Variants in KATNIP observed in about 807,000 individuals in gnomAD.
The protein encoded by KATNIP is katanin interacting protein.
A neutral mutation model predicts 174.0 loss-of-function variants in KATNIP; 126 were observed. That is an observed-to-expected ratio of 0.72 (90% CI 0.63 to 0.84). The LOEUF is 0.84. Ranked by LOEUF, KATNIP falls within the 40% of genes least tolerant of loss-of-function variation. KATNIP has a pLI of 0.00. For synonymous variants in KATNIP, 810 were observed against 835.7 expected, an observed-to-expected ratio of 0.97 and a Z score of 0.53; for missense variants, 1,958 against 2,109.7, an observed-to-expected ratio of 0.93 and a Z score of 1.41.
At position 27,672,833 on chromosome 16, in the gene KATNIP, AG is replaced by A. The variant is rs202068113; in HGVS notation, c.541-4894del. Among the ~76,000 whole-genome samples, 147 of 152,308 alleles carry A rather than the reference AG, an allele frequency of 9.7e-4. 6 individuals carry two copies. The East Asian group carries it at 0.023, about 24-fold the overall frequency. ...ATAGTGACGGTCATGAAGAGGCCAG[AG>A]GAAGTCTCCTCAACTGACCATGGGT... On this transcript the variant is annotated intron_variant, in intron 6 of 27. Transcript: ENST00000261588.
At chr16:27,574,080 T>C in intron 2 of KATNIP, 124 bp downstream of exon 2, 2 of 782,660 alleles carry the variant, frequency 2.6e-6, no homozygotes, top group Non-Finnish European at 4.3e-6. Context: ...GCTTGAATCC[T>C]GGAGCAAATG....
intron 3 of KATNIP, among the ~76,000 whole-genome samples, chr16:27,623,519 G>A (rs1172154167): frequency 6.6e-6 from 1 of 151,912 alleles, no homozygotes; most frequent in Non-Finnish European, 1.5e-5. Flanking sequence ...GAGTGCATTG[G>A]TGTGATCATA....
intron 15 of KATNIP, among the ~76,000 whole-genome samples, chr16:27,747,703 G>C (rs1006527065): frequency 6.8e-6 from 1 of 147,368 alleles, no homozygotes; most frequent in Non-Finnish European, 1.5e-5. Flanking sequence ...GAGTTTGAGT[G>C]AGCAAAACAA....
At chr16:27,560,861 C>T (rs1358755012) in intron 1 of KATNIP, among the ~76,000 whole-genome samples, 8 of 152,168 alleles carry the variant, frequency 5.3e-5, no homozygotes, top group Admixed American at 2.0e-4. Context: ...TGAGTGTTTG[C>T]TGGGTTGACA....
chr16:27,642,224 G>T (rs1719491178), intron 5 of KATNIP, among the ~76,000 whole-genome samples: 1 of 152,218 alleles, frequency 6.6e-6, no homozygotes. Flanking sequence ...CATGTCCTTT[G>T]TAGGGACATG....
chr16:27,631,227 A>G (rs150890936), intron 5 of KATNIP, 65 bp downstream of exon 5: 1 of 1,280,746 alleles, frequency 7.8e-7, no homozygotes, highest in East Asian at 2.5e-5. Flanking sequence ...TGGGAATAGA[A>G]ATACAATCAG....
At position 27,740,477 on chromosome 16, in the gene KATNIP, A is replaced by T. The variant is rs139943989; in HGVS notation, c.2180A>T (p.His727Leu). 6.9e-5 allele frequency: 112 copies of T among 1,614,154 alleles called. 1 individual carries two copies. In the African/African-American group the frequency reaches 1.2e-3, roughly 18 times the overall value. ...CCACCTGTGAAGTGCCCTCCTGTCC[A>T]TGAGGAGCCCTCTCTCATCCAACAA... is the stretch of plus-strand genomic sequence containing the variant. Reference protein sequence around the residue: ...TSPPVKCPPVHEEPSLIQQLE... With the variant: ...TSPPVKCPPVLEEPSLIQQLE... Residue 727 changes from histidine (H) to leucine (L), a missense_variant, in exon 15 of 28, where the codon CAT (histidine) becomes CTT (leucine). Coordinates refer to ENST00000261588, the MANE Select transcript of KATNIP (RefSeq NM_015202.5).
chr16:27,681,635 G>T, intron 8 of KATNIP, 105 bp downstream of exon 8: 1 of 1,310,786 alleles, frequency 7.6e-7, no homozygotes, highest in Non-Finnish European at 1.1e-6. Flanking sequence ...CTTGCAGAGG[G>T]CTAGCTGCCC....
intron 5 of KATNIP, among the ~76,000 whole-genome samples, chr16:27,647,518 T>TC (rs1211574441): frequency 6.6e-6 from 1 of 151,110 alleles, no homozygotes; most frequent in East Asian, 1.9e-4. Context: ...ATTTTTTTTT[T>TC]TTTTTAAATG....
chr16:27,672,283 C>A (rs1567282777), intron 6 of KATNIP, among the ~76,000 whole-genome samples: 1 of 152,126 alleles, frequency 6.6e-6, no homozygotes, highest in African/African-American at 2.4e-5. Context: ...CCAAGACAGC[C>A]TTGTGCCCCA....
At chr16:27,575,921 G>A (rs564091311) in intron 2 of KATNIP, among the ~76,000 whole-genome samples, 2 of 152,260 alleles carry the variant, frequency 1.3e-5, no homozygotes, top group Non-Finnish European at 2.9e-5. Flanking sequence ...TTTCTCTGGA[G>A]GCAGAAGCAA....
At position 27,751,832 on chromosome 16, in the gene KATNIP, C is replaced by A. The variant is rs1409200954; in HGVS notation, c.3460C>A (p.Gln1154Lys). The A allele has an allele frequency of 6.2e-7, 1 of 1,614,162 alleles. No homozygotes were observed. Among genetic ancestry groups the A allele is most frequent in the Non-Finnish European group, 8.5e-7 (1 of 1,180,028 alleles). The change falls in exon 17 of 28, where the codon CAG becomes AAG. Residue 1154 changes from glutamine to lysine, a missense_variant. Around this residue, in one of 3 missense-constraint regions of KATNIP, gnomAD observed 1,557 missense variants for 1,617.8 expected, o/e 0.96. Transcript: ENST00000261588. Reference sequence around the variant, plus strand: ...GGATGTGGGGAGCCTGGACAGCCTGCAGGATGAAGAGGCAATGAGGAGGCC... The same window carrying A: ...GGATGTGGGGAGCCTGGACAGCCTGAAGGATGAAGAGGCAATGAGGAGGCC... Reference protein sequence around the residue: ...DLDVGSLDSLQDEEAMRRPST... With the variant: ...DLDVGSLDSLKDEEAMRRPST...
At chr16:27,753,255 T>G (rs983649916) in intron 17 of KATNIP, among the ~76,000 whole-genome samples, 1 of 152,138 alleles carries the variant, frequency 6.6e-6, no homozygotes, top group Non-Finnish European at 1.5e-5. Context: ...ACCTCTCCAT[T>G]TAAAAATGCT....
chr16:27,681,545 G>C lies in KATNIP; in HGVS notation c.940+15G>C. 1 of 1,614,066 alleles carries C rather than the reference G, an allele frequency of 6.2e-7. No individual in the cohort carries two copies. On this transcript the variant is annotated intron_variant, in intron 8 of 27. Coordinates refer to ENST00000261588, the MANE Select transcript of KATNIP (RefSeq NM_015202.5). The stretch of plus-strand genomic sequence containing the variant: ...GATGTGCTCCAGTAAGAGTTCCGGG[G>C]GCCCCTGAGCAGGGGAGCAGGGCTG...
In KATNIP at chr16:27,777,944, A is replaced by G. The variant is rs759075856; in HGVS notation, c.4776A>G (p.Lys1592=). 2 of 1,613,978 alleles carry G rather than the reference A, an allele frequency of 1.2e-6. No homozygotes were observed. The highest frequency in any genetic ancestry group is 3.3e-5 in the Admixed American group (2 of 60,016). ...AAAACCAAATCATTACCAACGCGAA[A>G]CGGAAGCAGAGCGTTGTTGACCCAG... ...MNENQIITNA[K]RKQSVVDPAL... The change falls in exon 27 of 28, where the codon AAA becomes AAG. Residue 1592 remains lysine, a synonymous_variant. Coordinates refer to ENST00000261588, the MANE Select transcript of KATNIP (RefSeq NM_015202.5). This position sits in a 1 kb window ranked among gnomAD's most constrained non-coding sequence, Gnocchi z 4.4.
intron 1 of KATNIP, among the ~76,000 whole-genome samples, chr16:27,555,832 G>A (rs1229557022): frequency 2.9e-5 from 4 of 136,232 alleles, no homozygotes; most frequent in South Asian, 2.3e-4. Flanking sequence ...GCGAAACTCC[G>A]TCTCAAAAAA....
At chr16:27,663,249 G>A (rs1182550095) in intron 6 of KATNIP, among the ~76,000 whole-genome samples, 1 of 138,008 alleles carries the variant, frequency 7.2e-6, no homozygotes, top group Admixed American at 7.8e-5. Context: ...CCTCCCGCTT[G>A]GCCTCCCAAA....
chr16:27,587,639 T>C (rs1019364113), intron 2 of KATNIP, among the ~76,000 whole-genome samples: 1 of 152,214 alleles, frequency 6.6e-6, no homozygotes, highest in African/African-American at 2.4e-5. Context: ...TCACGGCACT[T>C]AAATATTAGC....
chr16:27,584,464 G>A (rs1002685994), intron 2 of KATNIP, among the ~76,000 whole-genome samples: 2 of 152,170 alleles, frequency 1.3e-5, no homozygotes, highest in African/African-American at 4.8e-5. Context: ...TGGCCACTGT[G>A]TGGTGGGAAT....
Sources: gnomAD v4.1 joint callset for allele counts (sites outside exome capture counted in the v4.1 genomes callset) on GRCh38, gnomAD v4.1.1 for gene constraint, gnomAD v4.1.1 regional missense constraint, Gnocchi (gnomAD v3.1) non-coding constraint, MANE v1.5 for transcripts, NCBI Gene and HGNC (gene_info 2026-07-23, HGNC 2026-07-21) for gene names.